The following KCNT2 variants were observed in gnomAD, a reference collection of about 807,000 sequenced individuals.
KCNT2 encodes potassium channel subfamily T member 2.
In KCNT2, 67 loss-of-function variants were observed where a neutral mutation model predicts 153.8. The ratio of observed to expected loss-of-function variants is 0.44; its 90% confidence interval spans 0.36 to 0.53. The LOEUF (loss-of-function observed/expected upper bound fraction) is 0.53, where lower values mean the gene tolerates loss of function less well. Among genes scored for constraint, KCNT2 ranks in the 20% least tolerant of loss-of-function variants. The pLI is 0.00. For synonymous variants in KCNT2, 500 were observed against 458.8 expected (o/e 1.09, Z -1.15); for missense variants, 975 against 1,354.8 (o/e 0.72, Z 4.40).
At chr1:196,561,585 C>T (rs1440524863) in intron 1 of KCNT2, among the ~76,000 whole-genome samples, 1 of 139,734 alleles carries the variant, frequency 7.2e-6, no homozygotes, top group South Asian at 2.3e-4. Context: ...TTAAAGAATG[C>T]TCACGTTGCA....
intron 12 of KCNT2, among the ~76,000 whole-genome samples, chr1:196,400,760 A>C (rs1671340522): frequency 6.6e-6 from 1 of 151,838 alleles, no homozygotes; most frequent in Non-Finnish European, 1.5e-5. Context: ...TAAGCTCCTA[A>C]TAAATTGTCC....
At chr1:196,326,203 T>C (rs931369418) in intron 19 of KCNT2, among the ~76,000 whole-genome samples, 1 of 152,136 alleles carries the variant, frequency 6.6e-6, no homozygotes, top group Non-Finnish European at 1.5e-5. Context: ...ATTTTCCAAA[T>C]AAATGCACAA....
At chr1:196,346,111 C>T (rs1666123204) in intron 14 of KCNT2, among the ~76,000 whole-genome samples, 1 of 151,942 alleles carries the variant, frequency 6.6e-6, no homozygotes, top group South Asian at 2.1e-4. Flanking sequence ...GAAATATTTT[C>T]TAATAAATAA....
intron 1 of KCNT2, among the ~76,000 whole-genome samples, chr1:196,552,705 C>T (rs1185382731): frequency 2.0e-5 from 3 of 151,384 alleles, no homozygotes; most frequent in Non-Finnish European, 4.4e-5. Flanking sequence ...AAAATAATAA[C>T]TACAACTTTT....
intron 1 of KCNT2, among the ~76,000 whole-genome samples, chr1:196,537,889 G>A (rs781763787): frequency 1.8e-4 from 28 of 152,104 alleles, no homozygotes; most frequent in Non-Finnish European, 2.8e-4. Flanking sequence ...CCTTCTTTAC[G>A]GTGTGAACCC....
intron 21 of KCNT2, among the ~76,000 whole-genome samples, chr1:196,307,460 T>C (rs1661739841): frequency 6.6e-6 from 1 of 152,110 alleles, no homozygotes; most frequent in Non-Finnish European, 1.5e-5. Context: ...TTGATTACAC[T>C]ACCTGTTGGC....
At chr1:196,452,540 CT>C (rs1336012310) in intron 8 of KCNT2, among the ~76,000 whole-genome samples, 2 of 151,950 alleles carry the variant, frequency 1.3e-5, no homozygotes, top group African/African-American at 2.4e-5. Flanking sequence ...TCCATATCAG[CT>C]TTTTACGGCT....
At chr1:196,488,079 C>G (rs1679573674) in intron 3 of KCNT2, among the ~76,000 whole-genome samples, 1 of 151,960 alleles carries the variant, frequency 6.6e-6, no homozygotes, top group Admixed American at 6.6e-5. Flanking sequence ...ACCATTCACA[C>G]ATGGTATATT....
chr1:196,434,019 C>A (rs570907661), intron 8 of KCNT2, among the ~76,000 whole-genome samples: 51 of 151,940 alleles, frequency 3.4e-4, no homozygotes, highest in Non-Finnish European at 6.8e-4. Flanking sequence ...AAATCGCCCT[C>A]GTTTTATGCT....
chr1:196,536,937 CCTT>C (rs1316585086), intron 1 of KCNT2, among the ~76,000 whole-genome samples: 45 of 152,188 alleles, frequency 3.0e-4, no homozygotes, highest in African/African-American at 1.0e-3. Context: ...GTTACTAACT[CCTT>C]CTATATCAAT....
intron 21 of KCNT2, among the ~76,000 whole-genome samples, chr1:196,314,209 A>T (rs1195203736): frequency 2.0e-5 from 3 of 151,632 alleles, no homozygotes; most frequent in African/African-American, 7.3e-5. Context: ...AATAGAAATA[A>T]AATTCATGGT....
At chr1:196,560,312 G>C (rs554193851) in intron 1 of KCNT2, among the ~76,000 whole-genome samples, 4 of 151,980 alleles carry the variant, frequency 2.6e-5, no homozygotes, top group African/African-American at 9.6e-5. Flanking sequence ...AAACAATGTG[G>C]TATTAAAGAA....
At chr1:196,394,979 C>T (rs898651214) in intron 13 of KCNT2, among the ~76,000 whole-genome samples, 1 of 149,194 alleles carries the variant, frequency 6.7e-6, no homozygotes, top group African/African-American at 2.4e-5. Flanking sequence ...TCCTAGCTTT[C>T]CAATAGATTT....
chr1:196,523,839 C>G (rs1168564077), intron 1 of KCNT2, among the ~76,000 whole-genome samples: 8 of 152,182 alleles, frequency 5.3e-5, no homozygotes, highest in Admixed American at 4.6e-4. Context: ...GATTGTTTCT[C>G]TAATTATAGA....
intron 1 of KCNT2, among the ~76,000 whole-genome samples, chr1:196,508,096 G>A (rs111580543): frequency 0.012 from 1,717 of 140,044 alleles, 29 homozygotes; most frequent in Non-Finnish European, 0.016. Flanking sequence ...CATATAATAA[G>A]TATTAATACA....
chr1:196,457,214 CA>C (rs1285889702), intron 8 of KCNT2, among the ~76,000 whole-genome samples: 1 of 151,166 alleles, frequency 6.6e-6, no homozygotes, highest in African/African-American at 2.4e-5. Flanking sequence ...CTCTTACCCA[CA>C]AAAAAACACT....
Position 196,428,734 on chromosome 1 carries a change from C to T in KCNT2, c.820-465G>A, listed in dbSNP as rs564771268. Among the ~76,000 whole-genome samples, 27 of 152,150 alleles carry T rather than the reference C, an allele frequency of 1.8e-4. No homozygotes were observed. The South Asian group carries it at 5.6e-3, about 32-fold the overall frequency. On this transcript the variant is annotated intron_variant, in intron 9 of 27. Transcript: ENST00000294725. ...AGGGAGGGTATGTCAGGAAGAAAGA[C>T]ATGCATGAATTTATCGGAGCAGGAA...
At chr1:196,365,611 A>G (rs774709307) in intron 14 of KCNT2, among the ~76,000 whole-genome samples, 7 of 151,080 alleles carry the variant, frequency 4.6e-5, no homozygotes, top group Non-Finnish European at 7.4e-5. Flanking sequence ...CATTGTTCCA[A>G]AAAAAATCTA....
At chr1:196,468,807 T>A (rs1357553557) in intron 6 of KCNT2, among the ~76,000 whole-genome samples, 187 bp downstream of exon 6, 2 of 152,102 alleles carry the variant, frequency 1.3e-5, no homozygotes, top group African/African-American at 4.8e-5. Flanking sequence ...TTGTATGAAA[T>A]CATTAGTTTC....
Sources: allele counts gnomAD v4.1 joint callset (sites outside exome capture counted in the v4.1 genomes callset), GRCh38; gene constraint gnomAD v4.1.1; transcripts MANE v1.5; gene names NCBI Gene and HGNC (gene_info 2026-07-23, HGNC 2026-07-21).